Variants in POLN observed in about 807,000 individuals in gnomAD.
POLN encodes the protein DNA polymerase N.
Under a neutral mutation model 113.5 loss-of-function variants are expected in POLN, and 108 were observed. The observed-to-expected ratio is 0.95, with a 90% CI of 0.81 to 1.12. POLN has a LOEUF of 1.12. Ranked by LOEUF, POLN falls within the 50% of genes most tolerant of loss-of-function variation. The pLI, the probability that POLN is intolerant of heterozygous loss-of-function variation, is 0.00. For synonymous variants in POLN, 386 were observed against 391.5 expected, an observed-to-expected ratio of 0.99 and a Z score of 0.17; for missense variants, 1,097 against 1,077.1, an observed-to-expected ratio of 1.02 and a Z score of -0.26.
chr4:2,209,317 T>TA (rs1304306582), intron 4 of POLN, among the ~76,000 whole-genome samples: 2 of 151,650 alleles, frequency 1.3e-5, no homozygotes, highest in African/African-American at 4.8e-5. Context: ...TCGTCTCTAC[T>TA]AAGAATACAA....
intron 16 of POLN, among the ~76,000 whole-genome samples, chr4:2,155,755 A>C (rs1732408423): frequency 6.6e-6 from 1 of 152,216 alleles, no homozygotes; most frequent in Non-Finnish European, 1.5e-5. Flanking sequence ...GATTCAAATC[A>C]ATATTAATGT....
At chr4:2,241,002 T>C (rs1392629812) in intron 2 of POLN, 7 of 1,330,014 alleles carry the variant, frequency 5.3e-6, no homozygotes, top group Middle Eastern at 1.9e-4. Flanking sequence ...TGTTGATTTT[T>C]AGAAAATAAA....
At chr4:2,233,885 C>T (rs1553803625) in intron 2 of POLN, among the ~76,000 whole-genome samples, 1 of 151,816 alleles carries the variant, frequency 6.6e-6, no homozygotes, top group Non-Finnish European at 1.5e-5. Context: ...GCATTATAAA[C>T]TCCTTTAAAA....
chr4:2,088,416 A>G (rs1730597211), intron 20 of POLN, among the ~76,000 whole-genome samples: 1 of 152,244 alleles, frequency 6.6e-6, no homozygotes, highest in South Asian at 2.1e-4. Context: ...AAAAACATAG[A>G]AAGTTGAATG....
intron 20 of POLN, among the ~76,000 whole-genome samples, chr4:2,087,529 T>C (rs1319664032): frequency 6.6e-6 from 1 of 152,244 alleles, no homozygotes; most frequent in African/African-American, 2.4e-5. Context: ...ATTTTGGATA[T>C]ATAGTTTTCA....
Position 2,072,022 on chromosome 4 carries a change from T to G in POLN, c.*92A>C. The G allele has an allele frequency of 7.0e-7, 1 of 1,426,966 alleles. No individual in the cohort carries two copies. Among genetic ancestry groups the G allele is most frequent in the East Asian group, 2.3e-5 (1 of 44,018 alleles). 88.4% of individuals were successfully genotyped at this position (1,426,966 alleles called of 1,614,324 possible). Reference sequence around the variant, plus strand: ...GGCCACCCCAGCCCCAAAGGGTTAATGCGTCCTGGGGCGTACAGAGCTGGT... The same window carrying G: ...GGCCACCCCAGCCCCAAAGGGTTAAGGCGTCCTGGGGCGTACAGAGCTGGT... On this transcript the variant is annotated 3_prime_UTR_variant, in exon 26 of 26. Transcript: ENST00000511885.
At chr4:2,096,730 G>GAGAGAC (rs1361778474) in intron 19 of POLN, among the ~76,000 whole-genome samples, 31 of 145,662 alleles carry the variant, frequency 2.1e-4, no homozygotes, top group Middle Eastern at 3.6e-3. Flanking sequence ...GAGAGAGAGA[G>GAGAGAC]ACACACAGAG....
intron 19 of POLN, among the ~76,000 whole-genome samples, chr4:2,101,075 A>C (rs1730911018): frequency 6.6e-6 from 1 of 152,168 alleles, no homozygotes; most frequent in South Asian, 2.1e-4. Flanking sequence ...CCATGGTGGA[A>C]AAAATCAAAT....
intron 8 of POLN, among the ~76,000 whole-genome samples, chr4:2,178,149 T>C (rs28641048): frequency 0.25 from 37,323 of 151,856 alleles, 7,049 homozygotes; most frequent in African/African-American, 0.51. Flanking sequence ...GCTCAGTGCC[T>C]GGTGCCTGAC....
At chr4:2,223,179 CA>C (rs1342850272) in intron 3 of POLN, among the ~76,000 whole-genome samples, 8 of 152,086 alleles carry the variant, frequency 5.3e-5, no homozygotes, top group Non-Finnish European at 8.8e-5. Flanking sequence ...TACAGTCATG[CA>C]GGGATATGTT....
chr4:2,219,816 T>C lies in POLN; in HGVS notation c.134-6690A>G, dbSNP rs144049504. Among the ~76,000 whole-genome samples, 283 of 152,218 alleles carry C rather than the reference T, an allele frequency of 1.9e-3. 1 individual carries two copies. The highest frequency in any genetic ancestry group is 6.6e-3 in the African/African-American group (274 of 41,530). On this transcript the variant is annotated intron_variant, in intron 3 of 25. Coordinates refer to ENST00000511885, the MANE Select transcript of POLN (RefSeq NM_181808.4). Reference sequence around the variant, plus strand: ...TTTCTCCTTCACTTAGTATGAACCCTCTCCTACAAGGAACTAAAAGCCATC... The same window carrying C: ...TTTCTCCTTCACTTAGTATGAACCCCCTCCTACAAGGAACTAAAAGCCATC...
intron 25 of POLN, among the ~76,000 whole-genome samples, 190 bp from the exon 26 acceptor site, chr4:2,072,489 C>T (rs1730172968): frequency 6.6e-6 from 1 of 152,234 alleles, no homozygotes; most frequent in Admixed American, 6.5e-5. Flanking sequence ...CAGGCTTATG[C>T]CACATCCACC....
chr4:2,188,338 C>T (rs1433420577), intron 7 of POLN, among the ~76,000 whole-genome samples: 3 of 152,268 alleles, frequency 2.0e-5, no homozygotes, highest in Non-Finnish European at 4.4e-5. Context: ...CAGTGGCTCA[C>T]GCCTGTAATC....
At chr4:2,195,207 A>G (rs1380948934) in intron 6 of POLN, among the ~76,000 whole-genome samples, 2 of 152,140 alleles carry the variant, frequency 1.3e-5, no homozygotes, top group Admixed American at 6.5e-5. Context: ...ATTATTTCCA[A>G]TTTATGGTAC....
intron 5 of POLN, among the ~76,000 whole-genome samples, chr4:2,202,398 A>G (rs902963482): frequency 6.6e-6 from 1 of 152,180 alleles, no homozygotes; most frequent in African/African-American, 2.4e-5. Flanking sequence ...AGCTATTCTG[A>G]TATCAGACAA....
At chr4:2,103,461 A>G (rs1322843324) in intron 19 of POLN, among the ~76,000 whole-genome samples, 2 of 152,196 alleles carry the variant, frequency 1.3e-5, no homozygotes, top group Non-Finnish European at 2.9e-5. Flanking sequence ...GTTTGGGACT[A>G]CATAAAACAG....
rs1020239502 is a variant in POLN at position 2,236,608 on chromosome 4, T to C, written c.-13+4912A>G. On this transcript the variant is annotated intron_variant, in intron 2 of 25. Coordinates refer to ENST00000511885, the MANE Select transcript of POLN (RefSeq NM_181808.4). ...GTACAGTAGCTCACGCCTGTAATCCTAGCACTTTGGGAGGCCAAGGCGGGC... is the reference window on the plus strand; with the variant it reads ...GTACAGTAGCTCACGCCTGTAATCCCAGCACTTTGGGAGGCCAAGGCGGGC... 4 of 621,296 alleles carry C rather than the reference T, an allele frequency of 6.4e-6. No individual in the cohort carries two copies. In the African/African-American group the frequency reaches 7.4e-5, roughly 11 times the overall value. The allele number at this position is 621,296 out of a possible 1,614,324, so 38.5% of individuals were successfully genotyped here.
intron 7 of POLN, among the ~76,000 whole-genome samples, chr4:2,181,519 T>A (rs889708444): frequency 6.6e-6 from 1 of 151,660 alleles, no homozygotes; most frequent in Non-Finnish European, 1.5e-5. Context: ...TAAAATAAAA[T>A]TTTAAAAAAT....
At chr4:2,145,052 A>G (rs1461068239) in intron 16 of POLN, among the ~76,000 whole-genome samples, 1 of 152,260 alleles carries the variant, frequency 6.6e-6, no homozygotes, top group South Asian at 2.1e-4. Flanking sequence ...AGTTCTTACA[A>G]TAACAATAGC....
Sources: gnomAD v4.1 joint callset for allele counts (sites outside exome capture counted in the v4.1 genomes callset) on GRCh38, gnomAD v4.1.1 for gene constraint, MANE v1.5 for transcripts, NCBI Gene and HGNC (gene_info 2026-07-23, HGNC 2026-07-21) for gene names.